The following NAV2 variants were observed in gnomAD, a reference collection of about 807,000 sequenced individuals.
The protein encoded by NAV2 is helicase, APC down-regulated 1.
NAV2 carries 54 observed loss-of-function variants against 223.2 expected under a neutral mutation model. The ratio of observed to expected loss-of-function variants is 0.24; its 90% confidence interval spans 0.19 to 0.30. The LOEUF (loss-of-function observed/expected upper bound fraction) is 0.30. NAV2 is among the 10% of genes least tolerant of loss of function. The pLI is 1.00. For missense variants in NAV2, 2,806 were observed against 3,147.5 expected (o/e 0.89, Z 2.60); for synonymous variants, 1,279 against 1,239.3 (o/e 1.03, Z -0.67).
intron 1 of NAV2, among the ~76,000 whole-genome samples, chr11:19,644,281 A>T (rs1331869622): frequency 6.6e-6 from 1 of 152,234 alleles, no homozygotes. Context: ...ACCCCTGGGA[A>T]ACTTGTCCTT....
At chr11:19,948,638 C>T (rs1226832372) in intron 9 of NAV2, 53 bp from the exon 10 acceptor site, 21 of 1,488,520 alleles carry the variant, frequency 1.4e-5, no homozygotes, top group Non-Finnish European at 1.6e-5. Flanking sequence ...AACATATAAA[C>T]TGTGAAGGAT....
chr11:20,086,254 G>C (rs1003980488), intron 26 of NAV2, among the ~76,000 whole-genome samples: 1 of 152,170 alleles, frequency 6.6e-6, no homozygotes, highest in Non-Finnish European at 1.5e-5. Context: ...AGGAATATGG[G>C]GAAGGGAGAT....
At chr11:20,117,722 C>T (rs1349672018) in intron 37 of NAV2, among the ~76,000 whole-genome samples, 2 of 152,154 alleles carry the variant, frequency 1.3e-5, no homozygotes, top group African/African-American at 4.8e-5. Flanking sequence ...CAGGGATGCT[C>T]AGCCACACCT....
At chr11:19,705,509 A>C (rs2049635600) in intron 1 of NAV2, among the ~76,000 whole-genome samples, 1 of 152,198 alleles carries the variant, frequency 6.6e-6, no homozygotes, top group Admixed American at 6.5e-5. Context: ...GGATTCTGCA[A>C]ATCACTGAAT....
intron 6 of NAV2, among the ~76,000 whole-genome samples, chr11:19,895,100 CTTTCTTT>C (rs1283175153): frequency 6.7e-5 from 7 of 105,122 alleles, no homozygotes; most frequent in Admixed American, 2.4e-4. Flanking sequence ...TTTTCTTTTT[CTTTCTTT>C]TTTTTTTTTT....
intron 1 of NAV2, among the ~76,000 whole-genome samples, chr11:19,786,058 G>A (rs1019363783): frequency 1.3e-5 from 2 of 152,078 alleles, no homozygotes; most frequent in Non-Finnish European, 2.9e-5. Flanking sequence ...AGAAAAAAAG[G>A]GCAAAGACAG....
At chr11:19,612,435 C>G (rs906116624) in intron 1 of NAV2, among the ~76,000 whole-genome samples, 4 of 152,222 alleles carry the variant, frequency 2.6e-5, no homozygotes, top group Non-Finnish European at 4.4e-5. Flanking sequence ...ATTTTCCAAA[C>G]TTTTATGCTC....
At chr11:19,791,585 T>C (rs2057524292) in intron 1 of NAV2, among the ~76,000 whole-genome samples, 1 of 152,102 alleles carries the variant, frequency 6.6e-6, no homozygotes, top group Non-Finnish European at 1.5e-5. Context: ...GCAGAGTTCT[T>C]CCCTCCCTAA....
intron 3 of NAV2, among the ~76,000 whole-genome samples, chr11:19,843,754 A>T (rs1490260713): frequency 9.6e-6 from 1 of 103,866 alleles, no homozygotes; most frequent in Non-Finnish European, 2.1e-5. Context: ...TGCTTCCAGA[A>T]ATCTAAAAAA....
At position 19,713,745 on chromosome 11, in the gene NAV2, C is replaced by A; in HGVS notation, c.50C>A (p.Pro17His). The A allele has an allele frequency of 6.2e-7, 1 of 1,611,128 alleles. No homozygotes were observed. The highest frequency in any genetic ancestry group is 8.5e-7 in the Non-Finnish European group (1 of 1,178,680). Residue 17 changes from proline (P) to histidine (H), a missense_variant, in exon 1 of 38, where the codon CCC becomes CAC. By Grantham distance (77) the Pro-to-His change is moderately conservative. Coordinates refer to ENST00000349880, the MANE Select transcript of NAV2 (RefSeq NM_145117.5). This position sits in a 1 kb window ranked among gnomAD's most constrained non-coding sequence, Gnocchi z 7.2. The stretch of plus-strand genomic sequence containing the variant: ...AAAATGAAGTCGGGACTGCCCAAAC[C>A]CGTGCACAGCGCCGCGCCCATCCTG... ...ASKMKSGLPK[P>H]VHSAAPILHV... is the part of the protein sequence containing the mutation.
At chr11:19,610,661 C>T (rs1046772512) in intron 1 of NAV2, among the ~76,000 whole-genome samples, 4 of 152,116 alleles carry the variant, frequency 2.6e-5, no homozygotes, top group Admixed American at 1.3e-4. Context: ...AGAATGTGGG[C>T]ACTTGTTCCA....
In NAV2 at chr11:19,466,984, T is replaced by TATACAC. The variant is rs1554940926; in HGVS notation, c.75+115958_75+115959insTACACA. 4.4e-3 allele frequency among the ~76,000 whole-genome samples: 554 copies of TATACAC among 125,172 alleles called. 2 individuals carry two copies. The highest frequency in any genetic ancestry group is 0.016 in the African/African-American group (533 of 32,670). 82.1% of individuals were successfully genotyped at this position (125,172 alleles called of 152,430 possible). A position where few individuals can be genotyped will look rare whatever the true frequency, so the allele number is the denominator to read the frequency against. ...TCTTGTTCTCTCTTCTCTCTCTCTCTACACACACACACACACACACACACA... is the reference window on the plus strand; with the variant it reads ...TCTTGTTCTCTCTTCTCTCTCTCTCTATACACACACACACACACACACACACACACA... On this transcript the variant is annotated intron_variant, in intron 1 of 37. Transcript: ENST00000360655.
chr11:19,851,036 CA>C (rs1320675265), intron 3 of NAV2, among the ~76,000 whole-genome samples: 1 of 152,154 alleles, frequency 6.6e-6, no homozygotes, highest in Non-Finnish European at 1.5e-5. Context: ...TTTTATTTAA[CA>C]AGGTATAGCA....
intron 1 of NAV2, among the ~76,000 whole-genome samples, chr11:19,555,249 G>A (rs2044840798): frequency 2.6e-5 from 4 of 152,216 alleles, no homozygotes; most frequent in Admixed American, 2.6e-4. Context: ...CACGACAAAG[G>A]CCTCAGCTGG....
At chr11:19,707,236 A>C (rs954630435) in intron 1 of NAV2, among the ~76,000 whole-genome samples, 42 of 152,206 alleles carry the variant, frequency 2.8e-4, no homozygotes, top group African/African-American at 8.7e-4. Flanking sequence ...TTTCTTCAAT[A>C]ATAAGTTAAC....
intron 1 of NAV2, among the ~76,000 whole-genome samples, chr11:19,583,382 C>G (rs1189123049): frequency 6.6e-6 from 1 of 152,194 alleles, no homozygotes; most frequent in Non-Finnish European, 1.5e-5. Context: ...CTTCTCCTGC[C>G]TGATTGCCCT....
chr11:19,700,386 A>G (rs1190421010), intron 1 of NAV2, among the ~76,000 whole-genome samples: 1 of 152,172 alleles, frequency 6.6e-6, no homozygotes, highest in African/African-American at 2.4e-5. Context: ...AGTAAGCTCC[A>G]CTGCCTCTCT....
chr11:20,108,423 ACAG>A (rs2062336727), intron 36 of NAV2, among the ~76,000 whole-genome samples: 1 of 152,030 alleles, frequency 6.6e-6, no homozygotes, highest in African/African-American at 2.4e-5. Context: ...CTCCTGCCTG[ACAG>A]CAGTTGGAAA....
intron 1 of NAV2, among the ~76,000 whole-genome samples, chr11:19,397,388 C>A (rs915559765): frequency 1.0e-5 from 1 of 96,368 alleles, no homozygotes; most frequent in Non-Finnish European, 2.3e-5. Context: ...GAATTGGATT[C>A]TCTGGGGAGT....
Sources: allele counts gnomAD v4.1 joint callset (sites outside exome capture counted in the v4.1 genomes callset), GRCh38; gene constraint gnomAD v4.1.1; non-coding constraint Gnocchi (gnomAD v3.1); transcripts MANE v1.5; gene names NCBI Gene and HGNC (gene_info 2026-07-23, HGNC 2026-07-21).